The following RANBP17 variants were observed in gnomAD, a reference collection of about 807,000 sequenced individuals.
RANBP17 encodes the protein ran-binding protein 17.
RANBP17 carries 158 observed loss-of-function variants against 141.2 expected under a neutral mutation model. The ratio of observed to expected loss-of-function variants is 1.12; its 90% CI spans 0.98 to 1.28. The LOEUF (loss-of-function observed/expected upper bound fraction) is 1.28. Ranked by LOEUF, RANBP17 falls within the 50% of genes most tolerant of loss-of-function variation. The pLI, the probability that RANBP17 is intolerant of heterozygous loss-of-function variation, is 0.00. For synonymous variants in RANBP17, 430 were observed against 450.0 expected, an observed-to-expected ratio of 0.96 and a Z score of 0.56; for missense variants, 1,438 against 1,290.7, an observed-to-expected ratio of 1.11 and a Z score of -1.75.
intron 3 of RANBP17, among the ~76,000 whole-genome samples, chr5:170,882,727 A>G (rs1329693902): frequency 6.6e-6 from 1 of 152,220 alleles, no homozygotes; most frequent in Non-Finnish European, 1.5e-5. Context: ...GCAGGTTCTT[A>G]TTAGGAAGAT....
chr5:170,899,788 C>T (rs189451479), intron 5 of RANBP17, among the ~76,000 whole-genome samples: 434 of 152,250 alleles, frequency 2.9e-3, no homozygotes, highest in Non-Finnish European at 4.3e-3. Flanking sequence ...TGGTTTTTGT[C>T]ATTGGTTCTG....
chr5:171,132,791 GT>G (rs1240807819), intron 14 of RANBP17, among the ~76,000 whole-genome samples: 2 of 151,704 alleles, frequency 1.3e-5, no homozygotes, highest in African/African-American at 4.8e-5. Flanking sequence ...AACTCTTTTC[GT>G]TTACTCTGAT....
chr5:171,211,549 A>C (rs1762888093), intron 20 of RANBP17, among the ~76,000 whole-genome samples: 1 of 151,474 alleles, frequency 6.6e-6, no homozygotes, highest in Admixed American at 6.6e-5. Context: ...GGTGTGAGCC[A>C]CCATGCCCGA....
intron 14 of RANBP17, among the ~76,000 whole-genome samples, chr5:170,985,044 CACACAG>C (rs147832131): frequency 4.5e-5 from 1 of 22,310 alleles, no homozygotes; most frequent in Admixed American, 5.6e-4. Context: ...CACACAGGCA[CACACAG>C]ACACACACAG....
chr5:171,183,496 G>A, intron 18 of RANBP17, 66 bp downstream of exon 18: 2 of 1,065,442 alleles, frequency 1.9e-6, no homozygotes, highest in South Asian at 1.3e-5. Context: ...ATAAAGAAGT[G>A]GAGTACTAGT....
chr5:170,930,808 C>T (rs1561902033), intron 12 of RANBP17, among the ~76,000 whole-genome samples: 1 of 152,110 alleles, frequency 6.6e-6, no homozygotes, highest in South Asian at 2.1e-4. Context: ...TCCAGTCTAC[C>T]ATCATTGGAC....
At chr5:170,881,780 A>C (rs1385489535) in intron 2 of RANBP17, 26 bp from the exon 3 acceptor site, 1 of 1,418,614 alleles carries the variant, frequency 7.0e-7, no homozygotes, top group African/African-American at 1.5e-5. Context: ...ATTTATGATA[A>C]TAATAAATAA....
intron 22 of RANBP17, among the ~76,000 whole-genome samples, chr5:171,234,031 T>C (rs2127991436): frequency 6.6e-6 from 1 of 151,308 alleles, no homozygotes; most frequent in East Asian, 1.9e-4. Context: ...AGCTTTGCTG[T>C]GATCCTTAAA....
chr5:171,147,402 T>TGG (rs869206572), intron 14 of RANBP17, among the ~76,000 whole-genome samples: 1 of 11,132 alleles, frequency 9.0e-5, no homozygotes, highest in East Asian at 6.5e-3. Context: ...TTTTTGTGTG[T>TGG]TTTTTTTTTT....
In RANBP17 at chr5:171,183,412, C is replaced by G; in HGVS notation, c.2020C>G (p.Leu674Val). Reference protein sequence around the residue: ...RTTFYTALTRLLMVDLGEDED... With the variant: ...RTTFYTALTRVLMVDLGEDED... ...AACCTTCTACACAGCGCTCACTCGC[C>G]TTCTGATGGTAGATCTGGGTAAGGT... is the stretch of plus-strand genomic sequence containing the variant. The change falls in exon 18 of 28, where the codon CTT (leucine) becomes GTT (valine). Residue 674 changes from leucine (L) to valine (V), a missense_variant. Physicochemically the swap from Leu to Val is conservative, Grantham distance 32. Coordinates refer to ENST00000523189, the MANE Select transcript of RANBP17 (RefSeq NM_022897.5). 1 of 1,612,634 alleles carries G rather than the reference C, an allele frequency of 6.2e-7. No homozygotes were observed. Among genetic ancestry groups the G allele is most frequent in the Non-Finnish European group, 8.5e-7 (1 of 1,178,632 alleles).
intron 5 of RANBP17, among the ~76,000 whole-genome samples, chr5:170,906,959 T>G (rs534530253): frequency 6.6e-6 from 1 of 152,102 alleles, no homozygotes; most frequent in African/African-American, 2.4e-5. Context: ...TGGAGACAGT[T>G]CATTCAGCCT....
At chr5:170,890,436 A>C (rs528548208) in intron 3 of RANBP17, among the ~76,000 whole-genome samples, 9 of 152,080 alleles carry the variant, frequency 5.9e-5, no homozygotes, top group Non-Finnish European at 1.2e-4. Context: ...TTGTATAACT[A>C]TTTTAATATT....
At chr5:171,042,521 T>C (rs1352601916) in intron 14 of RANBP17, among the ~76,000 whole-genome samples, 1 of 152,114 alleles carries the variant, frequency 6.6e-6, no homozygotes, top group African/African-American at 2.4e-5. Context: ...AAAGAGATGA[T>C]TAATTAATGC....
chr5:170,970,610 C>G (rs1776915056), intron 14 of RANBP17: 1 of 152,080 alleles, frequency 6.6e-6, no homozygotes, highest in Non-Finnish European at 1.5e-5. Context: ...TTATTTATAT[C>G]CTACTGCTCA....
intron 14 of RANBP17, among the ~76,000 whole-genome samples, chr5:171,021,284 G>A (rs1028027044): frequency 4.6e-5 from 7 of 152,168 alleles, no homozygotes; most frequent in African/African-American, 1.7e-4. Flanking sequence ...TGTTAGTGGT[G>A]TTCTCTGTAT....
chr5:170,872,245 A>G (rs755208621), intron 1 of RANBP17, among the ~76,000 whole-genome samples: 12 of 151,902 alleles, frequency 7.9e-5, no homozygotes, highest in Non-Finnish European at 1.5e-4. Context: ...CCCTTGCTGT[A>G]TTCCTCAGTA....
At chr5:171,162,719 T>C (rs981141439) in intron 14 of RANBP17, among the ~76,000 whole-genome samples, 1 of 151,976 alleles carries the variant, frequency 6.6e-6, no homozygotes, top group African/African-American at 2.4e-5. Context: ...CCCACTGGGG[T>C]GCAAGCAAAA....
chr5:171,147,386 T>TGG (rs1405375431), intron 14 of RANBP17, among the ~76,000 whole-genome samples: 4 of 138,332 alleles, frequency 2.9e-5, no homozygotes, highest in South Asian at 2.4e-4. Context: ...TGTGTGGTTG[T>TGG]TTGTTTTTTT....
intron 14 of RANBP17, among the ~76,000 whole-genome samples, chr5:171,056,521 G>A (rs112473312): frequency 0.027 from 4,037 of 152,066 alleles, 161 homozygotes; most frequent in African/African-American, 0.091. Flanking sequence ...GGAGTTTCCC[G>A]TAATTTTGGA....
Sources: gnomAD v4.1 joint callset for allele counts (sites outside exome capture counted in the v4.1 genomes callset) on GRCh38, gnomAD v4.1.1 for gene constraint, MANE v1.5 for transcripts, NCBI Gene and HGNC (gene_info 2026-07-23, HGNC 2026-07-21) for gene names.